PCDHGA3: variants seen among roughly 807,000 people sequenced by gnomAD.
PCDHGA3 encodes protocadherin gamma-A3.
PCDHGA3 carries 40 observed loss-of-function variants against 58.5 expected under a neutral mutation model. The observed-to-expected ratio is 0.68, with a 90% CI of 0.53 to 0.89. The LOEUF (loss-of-function observed/expected upper bound fraction) is 0.89, where lower values mean the gene tolerates loss of function less well. Ranked by LOEUF, PCDHGA3 falls within the 40% of genes least tolerant of loss-of-function variation. The pLI, the probability that PCDHGA3 is intolerant of heterozygous loss-of-function variation, is 0.00. For synonymous variants in PCDHGA3, 530 were observed against 525.7 expected (o/e 1.01, Z -0.11); for missense variants, 1,223 against 1,195.9 (o/e 1.02, Z -0.33).
intron 1 of PCDHGA3, chr5:141,351,631 G>A (rs755698367): frequency 6.2e-7 from 1 of 1,614,062 alleles, no homozygotes; most frequent in South Asian, 1.1e-5. Context: ...TGGTCCACGT[G>A]TCTGAGAACA....
chr5:141,360,908 G>GCTTC, intron 1 of PCDHGA3: 1 of 1,614,016 alleles, frequency 6.2e-7, no homozygotes, highest in African/African-American at 1.3e-5. Flanking sequence ...GTGCCGCCGG[G>GCTTC]CTTCTTTGTG....
At chr5:141,419,762 AAGGACTCG>A (rs1468964539) in intron 1 of PCDHGA3, 2 of 1,614,008 alleles carry the variant, frequency 1.2e-6, no homozygotes, top group South Asian at 2.2e-5. Context: ...TTTGGGTGAC[AAGGACTCG>A]GTCCGCCAGC....
intron 1 of PCDHGA3, chr5:141,395,337 T>G (rs1265011600): frequency 7.0e-7 from 1 of 1,433,514 alleles, no homozygotes; most frequent in African/African-American, 1.4e-5. Context: ...AAATAATTTT[T>G]AAGGTGTATC....
intron 2 of PCDHGA3, among the ~76,000 whole-genome samples, chr5:141,496,406 G>C (rs1485949584): frequency 6.6e-6 from 1 of 152,160 alleles, no homozygotes; most frequent in African/African-American, 2.4e-5. Flanking sequence ...CTCAATGGTT[G>C]AGTACTTGCT....
intron 1 of PCDHGA3, chr5:141,423,454 G>C (rs1323921797): frequency 1.9e-6 from 3 of 1,614,030 alleles, no homozygotes; most frequent in Non-Finnish European, 2.5e-6. Context: ...ACATTTTGTA[G>C]GCGTGGACGG....
At position 141,344,546 on chromosome 5, in the gene PCDHGA3, G is replaced by T. The variant is rs761868330; in HGVS notation, c.513G>T (p.Lys171Asn). Residue 171 changes from lysine (K) to asparagine (N), a missense_variant, in exon 1 of 4, where the codon AAG becomes AAT. This residue lies in a region of PCDHGA3 where 791 missense variants were observed against 708.5 expected (regional missense o/e 1.12). Transcript: ENST00000253812. ...DVGINSLQNYKLSPNDYFSLA... is the reference protein window; with the variant it reads ...DVGINSLQNYNLSPNDYFSLA... ...GCATTAACTCCCTGCAGAACTACAA[G>T]CTTAGCCCCAATGACTACTTCTCTC... is the stretch of plus-strand genomic sequence containing the variant. 34 of 1,614,000 alleles carry T rather than the reference G, an allele frequency of 2.1e-5. No homozygotes were observed. In the South Asian group the frequency reaches 2.9e-4, roughly 14 times the overall value.
Position 141,346,072 on chromosome 5 carries a change from C to T in PCDHGA3, c.2039C>T (p.Pro680Leu), listed in dbSNP as rs780449103. ...DILADLGSLE[P>L]SAKPNDSDLT... ...CTGGCCGACCTGGGCAGCCTCGAGC[C>T]CTCCGCCAAACCCAACGATTCGGAC... Residue 680 changes from proline to leucine, a missense_variant, in exon 1 of 4, where the codon CCC (proline) becomes CTC (leucine). By Grantham distance (98) the Pro-to-Leu change is moderately conservative. Around this residue, in one of 3 missense-constraint regions of PCDHGA3, gnomAD observed 107 missense variants for 159.8 expected, o/e 0.67. Transcript: ENST00000253812. 1.2e-6 allele frequency: 2 copies of T among 1,613,640 alleles called. No individual in the cohort carries two copies. The highest frequency in any genetic ancestry group is 1.7e-6 in the Non-Finnish European group (2 of 1,179,834).
At chr5:141,365,821 G>T (rs756787528) in intron 1 of PCDHGA3, 1 of 1,613,908 alleles carries the variant, frequency 6.2e-7, no homozygotes, top group East Asian at 2.2e-5. Flanking sequence ...ACACATTTCA[G>T]GGGGCGCCCT....
At position 141,431,965 on chromosome 5, in the gene PCDHGA3, T is replaced by G. The variant is rs765281339; in HGVS notation, c.2425-62842T>G. ...TAGAAAAATCTTACGGAAATTACTATAGTTTAGTCACAGACATAGTCTTGG... is the reference window on the plus strand; with the variant it reads ...TAGAAAAATCTTACGGAAATTACTAGAGTTTAGTCACAGACATAGTCTTGG... On this transcript the variant is annotated intron_variant, in intron 1 of 3. Coordinates refer to ENST00000253812, the MANE Select transcript of PCDHGA3 (RefSeq NM_018916.4). This position sits in a 1 kb window ranked among gnomAD's most constrained non-coding sequence, Gnocchi z 4.8. The G allele has an allele frequency of 1.2e-6, 2 of 1,614,216 alleles. No individual in the cohort carries two copies. Among genetic ancestry groups the G allele is most frequent in the East Asian group, 4.5e-5 (2 of 44,892 alleles).
Position 141,487,522 on chromosome 5 carries a change from T to G in PCDHGA3, c.2425-7285T>G, listed in dbSNP as rs764726787. Reference sequence around the variant, plus strand: ...TGGCTTCTGCACCCACTCGGAGTGATAGCTTCATGATGGTGAAGTCACCCA... The same window carrying G: ...TGGCTTCTGCACCCACTCGGAGTGAGAGCTTCATGATGGTGAAGTCACCCA... On this transcript the variant is annotated intron_variant, in intron 1 of 3. Transcript: ENST00000253812. This position sits in a 1 kb window ranked among gnomAD's most constrained non-coding sequence, Gnocchi z 5.0. The G allele has an allele frequency of 6.2e-7, 1 of 1,614,166 alleles. No individual in the cohort carries two copies. The highest frequency in any genetic ancestry group is 8.5e-7 in the Non-Finnish European group (1 of 1,180,022).
rs541220236 is a variant in PCDHGA3, at chr5:141,382,835, C to A, written c.2424+36378C>A. On this transcript the variant is annotated intron_variant, in intron 1 of 3. Transcript: ENST00000253812. Reference sequence around the variant, plus strand: ...CCTTCCTAAGACAGAGGGGTCCACCCGGATACACCCGCATTCTGAAGCACT... The same window carrying A: ...CCTTCCTAAGACAGAGGGGTCCACCAGGATACACCCGCATTCTGAAGCACT... The A allele has an allele frequency of 2.7e-4, 387 of 1,431,176 alleles. 2 individuals carry two copies. In the Middle Eastern group the frequency reaches 2.8e-3, roughly 10 times the overall value. The allele number at this position is 1,431,176 out of a possible 1,614,324, so 88.7% of individuals were successfully genotyped here. A position where few individuals can be genotyped will look rare whatever the true frequency, so the allele number is the denominator to read the frequency against.
At chr5:141,375,315 A>T (rs372335399) in intron 1 of PCDHGA3, 6 of 1,613,674 alleles carry the variant, frequency 3.7e-6, no homozygotes, top group Non-Finnish European at 5.1e-6. Flanking sequence ...GCAGCTCTAG[A>T]CCGGGAAGAG....
chr5:141,351,657 C>T lies in PCDHGA3; in HGVS notation c.2424+5200C>T. ...TCTGAGAACAACCCACCTGGCGCCT[C>T]CATTGCACAAGTAAGCGCCTCCGAC... is the stretch of plus-strand genomic sequence containing the variant. On this transcript the variant is annotated intron_variant, in intron 1 of 3. Transcript: ENST00000253812. The T allele has an allele frequency of 6.2e-7, 1 of 1,614,048 alleles. No individual in the cohort carries two copies. Among genetic ancestry groups the T allele is most frequent in the Non-Finnish European group, 8.5e-7 (1 of 1,179,910 alleles).
At chr5:141,427,966 T>C (rs1458559803) in intron 1 of PCDHGA3, 10 of 1,590,764 alleles carry the variant, frequency 6.3e-6, no homozygotes, top group African/African-American at 1.3e-5. Flanking sequence ...CCGCGGGTGC[T>C]GTACCCCGCG....
At chr5:141,478,755 A>G in intron 1 of PCDHGA3, 1 of 1,519,784 alleles carries the variant, frequency 6.6e-7, no homozygotes, top group South Asian at 1.3e-5. Flanking sequence ...TTCAGGGGGA[A>G]GATACTTGAC....
In PCDHGA3 at chr5:141,491,759, G is replaced by A; in HGVS notation, c.2425-3048G>A. On this transcript the variant is annotated intron_variant, in intron 1 of 3. Coordinates refer to ENST00000253812, the MANE Select transcript of PCDHGA3 (RefSeq NM_018916.4). The surrounding 1 kb of genome is among the most constrained non-coding windows in gnomAD (Gnocchi z 6.9). ...GGGGGCGGCACTGGAGAAGCCGCCC[G>A]TCCTCATAAGGGATTGAACTTGCAT... 2 of 1,575,392 alleles carry A rather than the reference G, an allele frequency of 1.3e-6. No homozygotes were observed. The highest frequency in any genetic ancestry group is 1.9e-5 in the Admixed American group (1 of 52,640).
chr5:141,386,400 A>G (rs1180278109), intron 1 of PCDHGA3, among the ~76,000 whole-genome samples: 1 of 152,176 alleles, frequency 6.6e-6, no homozygotes, highest in Non-Finnish European at 1.5e-5. Flanking sequence ...ACTTTTAGCC[A>G]GGTATGGTGT....
At chr5:141,406,072 C>CTT (rs530474569) in intron 1 of PCDHGA3, among the ~76,000 whole-genome samples, 28 of 141,510 alleles carry the variant, frequency 2.0e-4, no homozygotes, top group East Asian at 4.1e-4. Context: ...ATTCTTACTC[C>CTT]TTTTTTTTTT....
At chr5:141,407,286 T>A (rs1409712341) in intron 1 of PCDHGA3, among the ~76,000 whole-genome samples, 1 of 152,234 alleles carries the variant, frequency 6.6e-6, no homozygotes, top group Non-Finnish European at 1.5e-5. Flanking sequence ...TTGTTACAAT[T>A]TCTGTTCTGA....
Sources: allele counts gnomAD v4.1 joint callset (sites outside exome capture counted in the v4.1 genomes callset), GRCh38; gene constraint gnomAD v4.1.1; regional missense constraint gnomAD v4.1.1; non-coding constraint Gnocchi (gnomAD v3.1); transcripts MANE v1.5; gene names NCBI Gene and HGNC (gene_info 2026-07-23, HGNC 2026-07-21).